Variants in DLGAP2 observed in about 807,000 individuals in gnomAD.
DLGAP2 encodes the protein DLG associated protein 2.
DLGAP2 carries 26 observed loss-of-function variants against 100.3 expected under a neutral mutation model. That is an observed-to-expected ratio of 0.26 (90% CI 0.19 to 0.36). DLGAP2 has a LOEUF of 0.36. Among genes scored for constraint, DLGAP2 ranks in the 10% least tolerant of loss-of-function variants. The pLI is 1.00. For synonymous variants in DLGAP2, 886 were observed against 630.1 expected (o/e 1.41, Z -6.08); for missense variants, 1,858 against 1,453.2 (o/e 1.28, Z -4.53).
chr8:1,182,573 C>T (rs1797413062), intron 2 of DLGAP2, among the ~76,000 whole-genome samples: 2 of 152,174 alleles, frequency 1.3e-5, no homozygotes, highest in South Asian at 2.1e-4. Flanking sequence ...TTAGAGTTGG[C>T]ACTTGTGGCC....
intron 8 of DLGAP2, among the ~76,000 whole-genome samples, chr8:1,653,206 C>G (rs190345475): frequency 1.3e-5 from 2 of 152,088 alleles, no homozygotes; most frequent in Non-Finnish European, 2.9e-5. Flanking sequence ...ATCCTCACCA[C>G]GCAGATGCTG....
At chr8:1,434,634 A>G (rs1213854387) in intron 3 of DLGAP2, among the ~76,000 whole-genome samples, 1 of 151,946 alleles carries the variant, frequency 6.6e-6, no homozygotes, top group Non-Finnish European at 1.5e-5. Flanking sequence ...GCGCCACCAC[A>G]CCAGGCTAAT....
chr8:1,146,616 C>T lies in DLGAP2; in HGVS notation c.74-112235C>T, dbSNP rs57856460. On this transcript the variant is annotated intron_variant, in intron 2 of 14. Coordinates refer to ENST00000637795, the MANE Select transcript of DLGAP2 (RefSeq NM_001346810.2). ...GCACCTGCGCATGTGTGTGCATGCA[C>T]GTGTGTGCATGCATGTGTGTGCATG... Among the ~76,000 whole-genome samples, 503 of 151,936 alleles carry T rather than the reference C, an allele frequency of 3.3e-3. 2 individuals are homozygous for T. The highest frequency in any genetic ancestry group is 0.011 in the African/African-American group (438 of 41,460).
intron 3 of DLGAP2, among the ~76,000 whole-genome samples, chr8:1,411,339 T>A (rs987958750): frequency 3.3e-5 from 5 of 152,166 alleles, no homozygotes; most frequent in African/African-American, 1.2e-4. Flanking sequence ...TCTTATATGG[T>A]TTTGAAGGCA....
chr8:1,284,816 G>C (rs1005005700), intron 3 of DLGAP2, among the ~76,000 whole-genome samples: 5 of 152,082 alleles, frequency 3.3e-5, no homozygotes, highest in Non-Finnish European at 7.4e-5. Context: ...TCACTGTGTT[G>C]CGTAGGCTGG....
intron 1 of DLGAP2, among the ~76,000 whole-genome samples, chr8:849,862 C>A (rs112792309): frequency 0.01 from 1,587 of 152,092 alleles, 39 homozygotes; most frequent in African/African-American, 0.037. Context: ...CCAGGAGTTC[C>A]AAACCAGCCT....
intron 6 of DLGAP2, among the ~76,000 whole-genome samples, chr8:1,589,757 C>T (rs1796235355): frequency 6.6e-6 from 1 of 152,152 alleles, no homozygotes; most frequent in Non-Finnish European, 1.5e-5. Context: ...AACCACATTA[C>T]AGGGAGTGGT....
At chr8:1,137,506 A>C (rs1193504931) in intron 2 of DLGAP2, 1 of 151,888 alleles carries the variant, frequency 6.6e-6, no homozygotes, top group Non-Finnish European at 1.5e-5. Context: ...CCATTTTCTT[A>C]CTCTATGCAT....
chr8:1,215,310 A>G (rs980882067), intron 2 of DLGAP2, among the ~76,000 whole-genome samples: 11 of 152,250 alleles, frequency 7.2e-5, no homozygotes, highest in African/African-American at 2.7e-4. Context: ...GCACCTTCTG[A>G]GCATGATCAT....
chr8:1,444,497 T>G (rs552923818), intron 3 of DLGAP2, among the ~76,000 whole-genome samples: 57 of 152,288 alleles, frequency 3.7e-4, no homozygotes, highest in African/African-American at 1.3e-3. Context: ...ATTTGCATGG[T>G]GGGTCTTTGC....
chr8:1,424,326 C>T (rs1169728207), intron 3 of DLGAP2, among the ~76,000 whole-genome samples: 4 of 152,232 alleles, frequency 2.6e-5, no homozygotes, highest in Non-Finnish European at 4.4e-5. Context: ...ACGTGCGTAT[C>T]AAGGGCCCAC....
intron 2 of DLGAP2, among the ~76,000 whole-genome samples, chr8:1,004,351 A>G (rs1801045702): frequency 6.6e-6 from 1 of 152,228 alleles, no homozygotes; most frequent in Admixed American, 6.5e-5. Context: ...TATCTTCATA[A>G]ATTTGGTAAG....
At chr8:1,469,462 A>G (rs1389982358) in intron 3 of DLGAP2, among the ~76,000 whole-genome samples, 2 of 152,186 alleles carry the variant, frequency 1.3e-5, no homozygotes, top group East Asian at 1.9e-4. Context: ...CCTCTCTGCC[A>G]TTTCCTGTGC....
At chr8:1,095,080 A>C (rs1456433112) in intron 2 of DLGAP2, among the ~76,000 whole-genome samples, 2 of 141,148 alleles carry the variant, frequency 1.4e-5, no homozygotes, top group African/African-American at 2.6e-5. Context: ...CCCAGGGTGG[A>C]GTGAGACAGC....
chr8:932,514 CA>C (rs1167406797), intron 2 of DLGAP2, among the ~76,000 whole-genome samples: 6 of 152,090 alleles, frequency 3.9e-5, no homozygotes, highest in African/African-American at 1.4e-4. Flanking sequence ...GAACAATTGG[CA>C]AAATGTGAAT....
In DLGAP2 at chr8:1,649,232, T is replaced by A. The variant is rs1022969310; in HGVS notation, c.1810+16186T>A. Among the ~76,000 whole-genome samples the A allele has an allele frequency of 3.3e-5, 5 of 152,084 alleles. No homozygotes were observed. The East Asian group carries it at 7.7e-4, about 24-fold the overall frequency. On this transcript the variant is annotated intron_variant, in intron 8 of 14. Transcript: ENST00000637795. ...AAACCCAACCAGTAAATTCTTTTTG[T>A]TTCTTCAAAGCTACCAGAACACTCA...
At chr8:1,619,594 C>T (rs112436100) in intron 6 of DLGAP2, 16 of 152,146 alleles carry the variant, frequency 1.1e-4, no homozygotes, top group African/African-American at 3.1e-4. Context: ...GCTAAAATCT[C>T]GAGTCACAAT....
chr8:1,251,488 A>AGT (rs1157279293), intron 2 of DLGAP2, among the ~76,000 whole-genome samples: 2 of 152,204 alleles, frequency 1.3e-5, no homozygotes, highest in African/African-American at 4.8e-5. Context: ...CCCAGGCTGG[A>AGT]GTGCACTGGT....
chr8:1,059,406 G>C (rs1231891836), intron 2 of DLGAP2, among the ~76,000 whole-genome samples: 1 of 152,146 alleles, frequency 6.6e-6, no homozygotes, highest in East Asian at 1.9e-4. Flanking sequence ...GAGCCCGAAG[G>C]CTTGGGCTCC....
Sources: gnomAD v4.1 joint callset for allele counts (sites outside exome capture counted in the v4.1 genomes callset) on GRCh38, gnomAD v4.1.1 for gene constraint, MANE v1.5 for transcripts, NCBI Gene and HGNC (gene_info 2026-07-23, HGNC 2026-07-21) for gene names.